Variants in DNAI7 observed in about 807,000 individuals in gnomAD.
DNAI7 encodes the protein dynein axonemal intermediate chain 7.
A neutral mutation model predicts 86.6 loss-of-function variants in DNAI7; 78 were observed. That is an observed-to-expected ratio of 0.90 (90% CI 0.75 to 1.09). DNAI7 has a LOEUF of 1.09. Ranked by LOEUF, DNAI7 falls within the 50% of genes least tolerant of loss-of-function variation. The pLI, the probability that DNAI7 is intolerant of heterozygous loss-of-function variation, is 0.00. For synonymous variants in DNAI7, 274 were observed against 273.0 expected (o/e 1.00, Z -0.04); for missense variants, 753 against 810.2 (o/e 0.93, Z 0.86).
At chr12:25,155,824 G>A (rs191729969) in intron 4 of DNAI7, among the ~76,000 whole-genome samples, 123 of 152,258 alleles carry the variant, frequency 8.1e-4, no homozygotes, top group Middle Eastern at 3.4e-3. Flanking sequence ...AAGAATGCCC[G>A]GATGGATGGG....
At position 25,155,408 on chromosome 12, in the gene DNAI7, AG is replaced by A; in HGVS notation, c.202del (p.Leu68Ter). The A allele has an allele frequency of 6.4e-7, 1 of 1,567,744 alleles. No homozygotes were observed. Among genetic ancestry groups the A allele is most frequent in the South Asian group, 1.1e-5 (1 of 88,342 alleles). On this transcript the variant is annotated frameshift_variant, in exon 5 of 16. Coordinates refer to ENST00000395987, the MANE Select transcript of DNAI7 (RefSeq NM_018272.5). LOFTEE classifies it high-confidence loss of function. ...EKWHRLEAKD[L>X]ERRNEELEEL... is the part of the protein sequence containing the mutation. Reference sequence around the variant, plus strand: ...TTCAAGTTCTTCATTTCTCCTTTCTAGATCCTGTTGCACAAGGACAGATACA... The same window carrying A: ...TTCAAGTTCTTCATTTCTCCTTTCTAATCCTGTTGCACAAGGACAGATACA...
intron 7 of DNAI7, among the ~76,000 whole-genome samples, chr12:25,148,334 C>T (rs1047696450): frequency 6.6e-6 from 1 of 152,090 alleles, no homozygotes; most frequent in Admixed American, 6.5e-5. Context: ...CTTCATACTG[C>T]ATTCTATCGA....
In DNAI7 at chr12:25,161,113, C is replaced by T; in HGVS notation, c.106G>A (p.Glu36Lys). ...AATAGTATCACTATTTATTTTGTAC[C>T]TTCCTCTTTCAGTCGTCTCTCCTCC... Reference protein sequence around the residue: ...EEEERRLKEEEEARLKYEKEE... With the variant: ...EEEERRLKEEKEARLKYEKEE... The change falls in exon 3 of 16, where the codon GAG becomes AAG. Residue 36 changes from glutamate to lysine, a missense_variant and splice_region_variant. Glu to Lys is a moderately conservative substitution (Grantham distance 56). Coordinates refer to ENST00000395987, the MANE Select transcript of DNAI7 (RefSeq NM_018272.5). 1.2e-6 allele frequency: 2 copies of T among 1,611,340 alleles called. No homozygotes were observed. The highest frequency in any genetic ancestry group is 1.1e-5 in the South Asian group (1 of 90,998).
chr12:25,183,452 G>C (rs1346866944), intron 2 of DNAI7, among the ~76,000 whole-genome samples: 1 of 151,926 alleles, frequency 6.6e-6, no homozygotes, highest in South Asian at 2.1e-4. Flanking sequence ...ACCACAAAAT[G>C]TCCCTCTTTA....
chr12:25,131,257 T>A (rs1942889958), intron 9 of DNAI7, among the ~76,000 whole-genome samples: 1 of 152,090 alleles, frequency 6.6e-6, no homozygotes, highest in Admixed American at 6.5e-5. Context: ...AGTCCCTAAT[T>A]TATACACATA....
chr12:25,159,859 C>T (rs528516431), intron 3 of DNAI7, among the ~76,000 whole-genome samples: 1 of 152,126 alleles, frequency 6.6e-6, no homozygotes, highest in South Asian at 2.1e-4. Flanking sequence ...CTTTTAAAAA[C>T]CTCTATCTAA....
intron 8 of DNAI7, 150 bp downstream of exon 8, chr12:25,146,851 T>A: frequency 1.8e-6 from 1 of 563,512 alleles, no homozygotes; most frequent in Non-Finnish European, 3.1e-6. Context: ...AAATGGCGGG[T>A]TTCTGATTCA....
chr12:25,107,264 G>C (rs1949237467), downstream of DNAI7, among the ~76,000 whole-genome samples: 2 of 152,030 alleles, frequency 1.3e-5, no homozygotes, highest in African/African-American at 4.8e-5. Flanking sequence ...TGTAATATAT[G>C]TTATATTCTA....
At chr12:25,174,540 G>GCC (rs1948670353) in intron 2 of DNAI7, among the ~76,000 whole-genome samples, 1 of 76,300 alleles carries the variant, frequency 1.3e-5, no homozygotes. Context: ...ATATATATGG[G>GCC]ATATATATAT....
intron 2 of DNAI7, among the ~76,000 whole-genome samples, chr12:25,163,084 A>G (rs1565775945): frequency 1.3e-5 from 2 of 152,150 alleles, no homozygotes; most frequent in Admixed American, 6.5e-5. Flanking sequence ...AAAGGGAGAC[A>G]CTCCTTTCAG....
intron 9 of DNAI7, among the ~76,000 whole-genome samples, chr12:25,125,833 C>A (rs1198625432): frequency 1.3e-5 from 2 of 152,126 alleles, no homozygotes; most frequent in African/African-American, 2.4e-5. Flanking sequence ...ATATGGCTAG[C>A]CAGTTATCCC....
chr12:25,176,601 GT>G (rs1161339215), intron 2 of DNAI7, among the ~76,000 whole-genome samples: 1 of 151,596 alleles, frequency 6.6e-6, no homozygotes, highest in Non-Finnish European at 1.5e-5. Context: ...GAGAAACCTG[GT>G]TTATATTTAA....
intron 12 of DNAI7, among the ~76,000 whole-genome samples, chr12:25,115,368 T>C (rs1286731184): frequency 6.6e-6 from 1 of 152,198 alleles, no homozygotes; most frequent in Non-Finnish European, 1.5e-5. Context: ...TAGAACATTT[T>C]TATCCCCTCA....
At chr12:25,161,649 G>T (rs1461415178) in intron 2 of DNAI7, among the ~76,000 whole-genome samples, 1 of 152,218 alleles carries the variant, frequency 6.6e-6, no homozygotes, top group Non-Finnish European at 1.5e-5. Context: ...ACTTTCAACA[G>T]TGAGGAGCAA....
In DNAI7 at chr12:25,191,540, T is replaced by TA. The variant is rs1293851496; in HGVS notation, c.4-910dup. Among the ~76,000 whole-genome samples, 3 of 151,816 alleles carry TA rather than the reference T, an allele frequency of 2.0e-5. No homozygotes were observed. In the East Asian group the frequency reaches 5.8e-4, roughly 30 times the overall value. Reference sequence around the variant, plus strand: ...TAACACGGTGAAACCCCGTCTCTACTAAAAATACAGAAAATTGGCCGGGCA... The same window carrying TA: ...TAACACGGTGAAACCCCGTCTCTACTAAAAAATACAGAAAATTGGCCGGGCA... On this transcript the variant is annotated intron_variant, in intron 1 of 15. Coordinates refer to ENST00000395987, the MANE Select transcript of DNAI7 (RefSeq NM_018272.5).
At chr12:25,169,777 G>A (rs1412805848) in intron 2 of DNAI7, among the ~76,000 whole-genome samples, 4 of 151,564 alleles carry the variant, frequency 2.6e-5, no homozygotes. Flanking sequence ...GAAACCTAGA[G>A]GTGGAGGGTG....
intron 2 of DNAI7, among the ~76,000 whole-genome samples, chr12:25,166,222 C>T (rs989369373): frequency 6.6e-6 from 1 of 152,166 alleles, no homozygotes; most frequent in Non-Finnish European, 1.5e-5. Context: ...ATAAACTCTC[C>T]TTACAATTCC....
intron 9 of DNAI7, among the ~76,000 whole-genome samples, chr12:25,135,248 G>T (rs565022576): frequency 6.6e-6 from 1 of 152,144 alleles, no homozygotes; most frequent in Non-Finnish European, 1.5e-5. Flanking sequence ...ACCTTACCTA[G>T]AACTGAAATG....
intron 7 of DNAI7, among the ~76,000 whole-genome samples, chr12:25,149,326 C>T (rs1402670235): frequency 2.6e-5 from 4 of 152,030 alleles, no homozygotes; most frequent in Non-Finnish European, 5.9e-5. Flanking sequence ...CACATGTAAT[C>T]CCAGTACTTT....
Sources: allele counts gnomAD v4.1 joint callset (sites outside exome capture counted in the v4.1 genomes callset), GRCh38; gene constraint gnomAD v4.1.1; transcripts MANE v1.5; gene names NCBI Gene and HGNC (gene_info 2026-07-23, HGNC 2026-07-21).